Variants in EYS observed in about 807,000 individuals in gnomAD.
The protein encoded by EYS is protein eyes shut homolog.
Under a neutral mutation model 282.1 loss-of-function variants are expected in EYS, and 250 were observed. The observed-to-expected ratio is 0.89, with a 90% CI of 0.80 to 0.98. EYS has a LOEUF of 0.98. Among genes scored for constraint, EYS ranks in the 50% least tolerant of loss-of-function variants. The probability of loss-of-function intolerance (pLI) is 0.00; values close to 1 mark genes in which losing one functional copy is unlikely to be tolerated. For synonymous variants in EYS, 1,355 were observed against 1,282.9 expected, an observed-to-expected ratio of 1.06 and a Z score of -1.20; for missense variants, 4,016 against 3,709.0, an observed-to-expected ratio of 1.08 and a Z score of -2.15.
intron 12 of EYS, among the ~76,000 whole-genome samples, chr6:65,092,872 AAAG>A (rs1774616143): frequency 6.6e-6 from 1 of 152,148 alleles, no homozygotes; most frequent in South Asian, 2.1e-4. Context: ...TGTGGGAGTC[AAAG>A]AAGGAGAATA....
At chr6:64,768,811 C>T (rs544599877) in intron 22 of EYS, among the ~76,000 whole-genome samples, 1 of 152,194 alleles carries the variant, frequency 6.6e-6, no homozygotes, top group South Asian at 2.1e-4. Context: ...ACAAAAAGGG[C>T]AGGCTGTTTA....
At chr6:65,576,727 C>T (rs1764682466) in intron 2 of EYS, among the ~76,000 whole-genome samples, 1 of 151,742 alleles carries the variant, frequency 6.6e-6, no homozygotes, top group African/African-American at 2.4e-5. Context: ...TTCAGTAAAG[C>T]TTCGGGATAC....
In EYS at chr6:65,511,253, T is replaced by A. The variant is rs191861281; in HGVS notation, c.-332-15260A>T. On this transcript the variant is annotated intron_variant, in intron 2 of 42. Transcript: ENST00000503581. ...ATGCTTTTCATCTACTAGGGAGAAA[T>A]TATTCTTTAAAGAGTATGTAAATAA... 8.3e-4 allele frequency among the ~76,000 whole-genome samples: 127 copies of A among 152,220 alleles called. 1 individual carries two copies. Among genetic ancestry groups the A allele is most frequent in the African/African-American group, 2.7e-3 (112 of 41,530 alleles).
At chr6:65,279,180 C>G (rs1768148133) in intron 12 of EYS, among the ~76,000 whole-genome samples, 2 of 151,206 alleles carry the variant, frequency 1.3e-5, no homozygotes, top group South Asian at 4.2e-4. Context: ...CAGAGTGAGG[C>G]TCTGGCTCTA....
intron 26 of EYS, among the ~76,000 whole-genome samples, chr6:64,444,871 G>C (rs1435478106): frequency 6.6e-6 from 1 of 152,010 alleles, no homozygotes; most frequent in Non-Finnish European, 1.5e-5. Context: ...TTTCTCTCTC[G>C]TTTCCTCTCT....
chr6:64,302,924 T>C (rs1369844953), intron 30 of EYS, among the ~76,000 whole-genome samples: 1 of 152,082 alleles, frequency 6.6e-6, no homozygotes, highest in Non-Finnish European at 1.5e-5. Context: ...TCAGGTCCTC[T>C]TTGAATTCCA....
At chr6:65,111,249 C>T (rs6913985) in intron 12 of EYS, among the ~76,000 whole-genome samples, 3 of 151,538 alleles carry the variant, frequency 2.0e-5, no homozygotes, top group East Asian at 3.9e-4. Context: ...AACAGAATAA[C>T]CTGCTTTTTA....
chr6:64,804,545 C>T (rs1457414229), intron 22 of EYS, among the ~76,000 whole-genome samples: 1 of 152,046 alleles, frequency 6.6e-6, no homozygotes, highest in African/African-American at 2.4e-5. Context: ...GTTAAATTGT[C>T]TACTTTTTTT....
intron 13 of EYS, among the ~76,000 whole-genome samples, chr6:65,019,526 T>C (rs1205405245): frequency 2.0e-5 from 3 of 152,142 alleles, no homozygotes; most frequent in African/African-American, 4.8e-5. Context: ...ATAGAGATAA[T>C]AACATCACAC....
chr6:63,962,539 G>A (rs1384412787), intron 35 of EYS, among the ~76,000 whole-genome samples: 1 of 152,178 alleles, frequency 6.6e-6, no homozygotes, highest in Non-Finnish European at 1.5e-5. Flanking sequence ...TCGGAGAAAT[G>A]CAAATCAAAA....
At chr6:63,736,740 G>C (rs1447247633) in intron 41 of EYS, among the ~76,000 whole-genome samples, 2 of 151,924 alleles carry the variant, frequency 1.3e-5, no homozygotes, top group Non-Finnish European at 2.9e-5. Flanking sequence ...TCTTCCATTT[G>C]TTTGTATCCT....
At chr6:64,000,975 A>T (rs529325210) in intron 33 of EYS, among the ~76,000 whole-genome samples, 4 of 152,142 alleles carry the variant, frequency 2.6e-5, no homozygotes, top group African/African-American at 9.7e-5. Context: ...AACAAAAAAA[A>T]CTCTATAAAC....
chr6:64,467,404 G>T (rs1049429477), intron 26 of EYS, among the ~76,000 whole-genome samples: 1 of 152,064 alleles, frequency 6.6e-6, no homozygotes, highest in Non-Finnish European at 1.5e-5. Flanking sequence ...TACCCTCTAT[G>T]ATCTAGCAAG....
rs1736285783 is a variant in EYS at position 64,732,150 on chromosome 6, G to A, written c.3443+81228C>T. On this transcript the variant is annotated intron_variant, in intron 22 of 42. Transcript: ENST00000503581. ...CACAGGGAGAGGAACATCACACACT[G>A]GGGCCTGTCGGGGTTGGGGGGCAAG... Among the ~76,000 whole-genome samples the A allele has an allele frequency of 3.9e-5, 6 of 152,160 alleles. No individual in the cohort carries two copies. In the South Asian group the frequency reaches 1.2e-3, roughly 32 times the overall value.
chr6:65,091,869 C>A (rs1024471799), intron 12 of EYS, among the ~76,000 whole-genome samples: 5 of 152,048 alleles, frequency 3.3e-5, no homozygotes, highest in African/African-American at 1.2e-4. Flanking sequence ...AAAAATATAA[C>A]TGCACTGCTG....
At chr6:64,504,118 G>A (rs1777136745) in intron 26 of EYS, among the ~76,000 whole-genome samples, 1 of 152,120 alleles carries the variant, frequency 6.6e-6, no homozygotes, top group South Asian at 2.1e-4. Flanking sequence ...AACAGTGTGA[G>A]AGGAGACTAA....
intron 12 of EYS, among the ~76,000 whole-genome samples, chr6:65,240,333 C>A (rs1767027639): frequency 6.6e-6 from 1 of 151,918 alleles, no homozygotes; most frequent in African/African-American, 2.4e-5. Flanking sequence ...GTTACATGGG[C>A]ATATTGCTTG....
rs376682168 is a variant in EYS, at chr6:65,526,761, G to C, written c.-332-30768C>G. On this transcript the variant is annotated intron_variant, in intron 2 of 42. Transcript: ENST00000503581. Reference sequence around the variant, plus strand: ...GCGAAGCTTGCAGTGAGCCCAGATCGCGCCACTGCACTCCAGCCTGGGCGA... The same window carrying C: ...GCGAAGCTTGCAGTGAGCCCAGATCCCGCCACTGCACTCCAGCCTGGGCGA... 3.0e-3 allele frequency among the ~76,000 whole-genome samples: 453 copies of C among 152,170 alleles called. 2 individuals carry two copies. The highest frequency in any genetic ancestry group is 0.01 in the African/African-American group (429 of 41,474).
Position 64,135,617 on chromosome 6 carries a change from A to G in EYS, c.6425-53615T>C, listed in dbSNP as rs527863895. On this transcript the variant is annotated intron_variant, in intron 31 of 42. Coordinates refer to ENST00000503581, the MANE Select transcript of EYS (RefSeq NM_001142800.2). ...AAGAAGGAGTACAGGCATACTTCAG[A>G]CACATTGTAGGTTCAATTCCAGACC... 2.6e-5 allele frequency among the ~76,000 whole-genome samples: 4 copies of G among 152,266 alleles called. No individual in the cohort carries two copies. In the South Asian group the frequency reaches 6.2e-4, roughly 24 times the overall value.
Sources: gnomAD v4.1 joint callset for allele counts (sites outside exome capture counted in the v4.1 genomes callset) on GRCh38, gnomAD v4.1.1 for gene constraint, MANE v1.5 for transcripts, NCBI Gene and HGNC (gene_info 2026-07-23, HGNC 2026-07-21) for gene names.